SLCO1A2: variants seen among roughly 807,000 people sequenced by gnomAD.
SLCO1A2 encodes solute carrier organic anion transporter family member 1A2, also known as OATP-1.
A neutral mutation model predicts 69.0 loss-of-function variants in SLCO1A2; 67 were observed. The observed-to-expected ratio is 0.97, with a 90% CI of 0.80 to 1.19. SLCO1A2 has a LOEUF of 1.19. SLCO1A2 is among the 50% of genes most tolerant of loss of function. The probability of loss-of-function intolerance (pLI) is 0.00; values close to 1 mark genes in which losing one functional copy is unlikely to be tolerated. For synonymous variants in SLCO1A2, 260 were observed against 265.9 expected (o/e 0.98, Z 0.22); for missense variants, 787 against 793.7 (o/e 0.99, Z 0.10).
chr12:21,276,536 A>G (rs1943877627), intron 12 of SLCO1A2, among the ~76,000 whole-genome samples: 1 of 146,660 alleles, frequency 6.8e-6, no homozygotes, highest in Non-Finnish European at 1.5e-5. Flanking sequence ...TTTAACAACT[A>G]TCTACATACA....
intron 12 of SLCO1A2, among the ~76,000 whole-genome samples, chr12:21,288,849 T>A (rs1389486570): frequency 6.6e-6 from 1 of 151,566 alleles, no homozygotes; most frequent in Non-Finnish European, 1.5e-5. Context: ...TATGATTAAT[T>A]TTTTAAATCT....
chr12:21,394,379 A>ACACG (rs1376277470), intron 1 of SLCO1A2, among the ~76,000 whole-genome samples: 1 of 151,500 alleles, frequency 6.6e-6, no homozygotes, highest in Non-Finnish European at 1.5e-5. Context: ...ACACACACAC[A>ACACG]CACACACACA....
chr12:21,402,570 A>C (rs1292031099), intron 1 of SLCO1A2, among the ~76,000 whole-genome samples: 2 of 152,120 alleles, frequency 1.3e-5, no homozygotes, highest in Non-Finnish European at 2.9e-5. Context: ...TGCAGTACAC[A>C]ATGTTTCTGG....
At chr12:21,404,020 T>C (rs553076115) in intron 1 of SLCO1A2, among the ~76,000 whole-genome samples, 114 of 151,784 alleles carry the variant, frequency 7.5e-4, no homozygotes, top group Non-Finnish European at 8.1e-4. Flanking sequence ...GAAAACAGAG[T>C]TGATGCGGAC....
At chr12:21,413,179 C>A (rs1336565583) in intron 1 of SLCO1A2, among the ~76,000 whole-genome samples, 1 of 148,244 alleles carries the variant, frequency 6.7e-6, no homozygotes, top group East Asian at 2.0e-4. Context: ...TTTATGACTT[C>A]TTAAGATAGA....
intron 12 of SLCO1A2, among the ~76,000 whole-genome samples, chr12:21,286,270 G>A (rs1945771846): frequency 1.4e-5 from 2 of 143,370 alleles, no homozygotes; most frequent in African/African-American, 2.6e-5. Context: ...TTGCTTCAAA[G>A]AGAATAAAAT....
In SLCO1A2 at chr12:21,265,347, G is replaced by A. The variant is rs770467314; in HGVS notation, c.*4201C>T. Reference sequence around the variant, plus strand: ...GTGGGACACAGTGAAGGGATGGAAGGTGGTCTGGCTGGGAAGTCAAGAGAT... The same window carrying A: ...GTGGGACACAGTGAAGGGATGGAAGATGGTCTGGCTGGGAAGTCAAGAGAT... On this transcript the variant is annotated 3_prime_UTR_variant, in exon 15 of 15. Transcript: ENST00000683939. 1 of 152,542 alleles carries A rather than the reference G, an allele frequency of 6.6e-6. No individual in the cohort carries two copies. The allele number at this position is 152,542 out of a possible 1,614,324, so 9.4% of individuals were successfully genotyped here.
At chr12:21,295,521 C>T (rs1473559231) in intron 10 of SLCO1A2, 76 bp downstream of exon 10, 3 of 875,110 alleles carry the variant, frequency 3.4e-6, no homozygotes, top group African/African-American at 1.7e-5. Flanking sequence ...ATGATCTGAT[C>T]GTGCATTGCC....
chr12:21,373,802 T>C lies in SLCO1A2; in HGVS notation c.-63+597A>G, dbSNP rs755231295. 8.9e-5 allele frequency: 57 copies of C among 639,772 alleles called. 1 individual carries two copies. Among genetic ancestry groups the C allele is most frequent in the Middle Eastern group, 5.0e-4 (2 of 4,016 alleles). The allele number at this position is 639,772 out of a possible 1,614,324, so 39.6% of individuals were successfully genotyped here. A position where few individuals can be genotyped will look rare whatever the true frequency, so the allele number is the denominator to read the frequency against. ...AGAAACTTAACTAAAGCATATATTTTTATACCAAGTGGATTCTTTTTGTAT... is the reference window on the plus strand; with the variant it reads ...AGAAACTTAACTAAAGCATATATTTCTATACCAAGTGGATTCTTTTTGTAT... On this transcript the variant is annotated intron_variant, in intron 2 of 15. Transcript: ENST00000307378.
chr12:21,271,652 C>G (rs148055734), intron 14 of SLCO1A2, among the ~76,000 whole-genome samples: 1 of 146,136 alleles, frequency 6.8e-6, no homozygotes, highest in Non-Finnish European at 1.5e-5. Context: ...TCTTTATATA[C>G]ATATGTGTAT....
At chr12:21,412,428 C>T (rs949431128) in intron 1 of SLCO1A2, among the ~76,000 whole-genome samples, 12 of 152,088 alleles carry the variant, frequency 7.9e-5, no homozygotes, top group Non-Finnish European at 1.8e-4. Flanking sequence ...AGAGACTTCT[C>T]AGGTCAAGAT....
intron 2 of SLCO1A2, among the ~76,000 whole-genome samples, chr12:21,369,640 T>G (rs1484087495): frequency 6.6e-6 from 1 of 152,216 alleles, no homozygotes; most frequent in Non-Finnish European, 1.5e-5. Flanking sequence ...TTTCTCCAAC[T>G]GTAGTGTGTA....
At chr12:21,400,768 A>G (rs1941666562) in intron 1 of SLCO1A2, among the ~76,000 whole-genome samples, 1 of 149,828 alleles carries the variant, frequency 6.7e-6, no homozygotes, top group Non-Finnish European at 1.5e-5. Flanking sequence ...TCAGTAAACT[A>G]TCGCAAGAAC....
chr12:21,364,295 A>C (rs1269091614), intron 2 of SLCO1A2, among the ~76,000 whole-genome samples: 2 of 152,218 alleles, frequency 1.3e-5, no homozygotes, highest in Non-Finnish European at 2.9e-5. Flanking sequence ...AAAGACAAAA[A>C]CCACATGATT....
chr12:21,352,794 C>T (rs548781144), intron 2 of SLCO1A2, among the ~76,000 whole-genome samples: 69 of 152,264 alleles, frequency 4.5e-4, no homozygotes, highest in Non-Finnish European at 7.9e-4. Context: ...TTGTTTAGTT[C>T]ATTGTTTGGT....
upstream of SLCO1A2, among the ~76,000 whole-genome samples, chr12:21,418,661 G>A (rs1419457441): frequency 6.6e-6 from 1 of 152,006 alleles, no homozygotes; most frequent in Non-Finnish European, 1.5e-5. Context: ...ACTGCCCCGT[G>A]ATTCAATTAT....
chr12:21,312,622 T>G (rs1950360171), intron 4 of SLCO1A2, among the ~76,000 whole-genome samples: 1 of 152,148 alleles, frequency 6.6e-6, no homozygotes, highest in Non-Finnish European at 1.5e-5. Flanking sequence ...TTTCTTTCAC[T>G]TCAACACCTG....
At chr12:21,396,368 T>A (rs1941460189), upstream of SLCO1A2, among the ~76,000 whole-genome samples, 1 of 149,342 alleles carries the variant, frequency 6.7e-6, no homozygotes, top group Non-Finnish European at 1.5e-5. Flanking sequence ...AATATGGGAC[T>A]ATGTGAAAAG....
At chr12:21,394,572 C>T (rs1322232077) in intron 1 of SLCO1A2, among the ~76,000 whole-genome samples, 2 of 151,398 alleles carry the variant, frequency 1.3e-5, no homozygotes, top group Admixed American at 6.6e-5. Flanking sequence ...CACACACACA[C>T]ACACACACAA....
Sources: gnomAD v4.1 joint callset for allele counts (sites outside exome capture counted in the v4.1 genomes callset) on GRCh38, gnomAD v4.1.1 for gene constraint, MANE v1.5 for transcripts, NCBI Gene and HGNC (gene_info 2026-07-23, HGNC 2026-07-21) for gene names.